The following NOL4 variants were observed in gnomAD, a reference collection of about 807,000 sequenced individuals.
NOL4 encodes the protein cancer/testis antigen 125.
A neutral mutation model predicts 75.9 loss-of-function variants in NOL4; 17 were observed. That is an observed-to-expected ratio of 0.22 (90% confidence interval 0.15 to 0.34). The LOEUF (loss-of-function observed/expected upper bound fraction) is 0.34. NOL4 is among the 10% of genes least tolerant of loss of function. The pLI, the probability that NOL4 is intolerant of heterozygous loss-of-function variation, is 1.00. For missense variants in NOL4, 614 were observed against 793.5 expected (o/e 0.77, Z 2.72); for synonymous variants, 292 against 289.9 (o/e 1.01, Z -0.07).
At chr18:33,958,663 AGAAAGTTTTATT>A (rs2069853956) in intron 6 of NOL4, among the ~76,000 whole-genome samples, 1 of 152,182 alleles carries the variant, frequency 6.6e-6, no homozygotes, top group Non-Finnish European at 1.5e-5. Context: ...CCTTCACTGC[AGAAAGTTTTATT>A]GAACTTAGCT....
At chr18:34,215,046 T>C (rs1048234468) in intron 1 of NOL4, among the ~76,000 whole-genome samples, 1 of 152,174 alleles carries the variant, frequency 6.6e-6, no homozygotes, top group African/African-American at 2.4e-5. Context: ...ATAATATAGT[T>C]TCTGTTATGC....
chr18:34,029,068 T>C (rs1264598128), intron 5 of NOL4, among the ~76,000 whole-genome samples: 1 of 152,228 alleles, frequency 6.6e-6, no homozygotes, highest in East Asian at 1.9e-4. Context: ...GGGAGACACG[T>C]AGAAACAGAA....
At chr18:34,097,809 C>A (rs1464813653) in intron 4 of NOL4, among the ~76,000 whole-genome samples, 1 of 152,072 alleles carries the variant, frequency 6.6e-6, no homozygotes, top group East Asian at 1.9e-4. Flanking sequence ...TTTCATATAT[C>A]ACATTCCTTA....
At chr18:34,217,724 A>G (rs1252678939) in intron 1 of NOL4, among the ~76,000 whole-genome samples, 1 of 152,046 alleles carries the variant, frequency 6.6e-6, no homozygotes, top group Admixed American at 6.6e-5. Flanking sequence ...TCCCCGGCAT[A>G]TGCTACATAT....
At chr18:34,131,126 T>C (rs2080633936) in intron 1 of NOL4, among the ~76,000 whole-genome samples, 2 of 151,126 alleles carry the variant, frequency 1.3e-5, no homozygotes, top group Non-Finnish European at 3.0e-5. Flanking sequence ...CCCTGTGATA[T>C]AATTTGAAGT....
At chr18:33,941,553 C>T (rs1241763336) in intron 9 of NOL4, among the ~76,000 whole-genome samples, 1 of 151,864 alleles carries the variant, frequency 6.6e-6, no homozygotes, top group African/African-American at 2.4e-5. Flanking sequence ...GACAAAACAG[C>T]TAGCATCAGT....
chr18:34,085,115 A>G (rs1259731603), intron 5 of NOL4, among the ~76,000 whole-genome samples: 2 of 152,236 alleles, frequency 1.3e-5, no homozygotes, highest in Non-Finnish European at 2.9e-5. Flanking sequence ...ATATAGCTGG[A>G]TATATAAATC....
At chr18:34,000,382 T>C (rs1162848743) in intron 6 of NOL4, among the ~76,000 whole-genome samples, 13 of 152,160 alleles carry the variant, frequency 8.5e-5, no homozygotes, top group Non-Finnish European at 1.9e-4. Context: ...CAACACTCTG[T>C]TGGGTATTTA....
At chr18:33,950,071 A>C (rs2069108087) in intron 8 of NOL4, among the ~76,000 whole-genome samples, 1 of 151,870 alleles carries the variant, frequency 6.6e-6, no homozygotes, top group Non-Finnish European at 1.5e-5. Context: ...ATTATGATGT[A>C]GATTTCCTAA....
At chr18:34,132,283 A>C (rs1193350477) in intron 1 of NOL4, among the ~76,000 whole-genome samples, 1 of 152,202 alleles carries the variant, frequency 6.6e-6, no homozygotes, top group Non-Finnish European at 1.5e-5. Context: ...AAACAAGATA[A>C]TGTTTACAAG....
intron 1 of NOL4, among the ~76,000 whole-genome samples, chr18:34,135,884 T>TA (rs1438948021): frequency 2.0e-5 from 3 of 151,592 alleles, no homozygotes; most frequent in Non-Finnish European, 2.9e-5. Flanking sequence ...TATCACAGGA[T>TA]AAAAAAGATA....
At chr18:33,957,004 G>A (rs2069698283) in intron 8 of NOL4, among the ~76,000 whole-genome samples, 2 of 151,982 alleles carry the variant, frequency 1.3e-5, no homozygotes, top group Admixed American at 6.6e-5. Flanking sequence ...CTTTAGTAGC[G>A]ACAGAAAGAA....
chr18:33,989,751 T>G (rs2072775221), intron 6 of NOL4, among the ~76,000 whole-genome samples: 1 of 152,128 alleles, frequency 6.6e-6, no homozygotes, highest in Admixed American at 6.6e-5. Flanking sequence ...ATTAAAGCAC[T>G]GTGTAAATGT....
chr18:33,923,327 T>C (rs1386989027), intron 9 of NOL4, among the ~76,000 whole-genome samples: 3 of 151,972 alleles, frequency 2.0e-5, no homozygotes, highest in African/African-American at 4.8e-5. Context: ...TTTATCCTTT[T>C]TGTGTTTTAA....
intron 9 of NOL4, among the ~76,000 whole-genome samples, chr18:33,900,130 G>A (rs2065660331): frequency 1.3e-5 from 2 of 152,120 alleles, no homozygotes; most frequent in Admixed American, 1.3e-4. Flanking sequence ...GTTTTGCATG[G>A]TGCTGGCTTC....
chr18:34,212,539 C>G (rs1226052364), intron 1 of NOL4, among the ~76,000 whole-genome samples: 1 of 152,168 alleles, frequency 6.6e-6, no homozygotes, highest in Admixed American at 6.5e-5. Context: ...TACAACTTCT[C>G]AAACATTATC....
At chr18:34,130,052 T>C (rs767430983) in intron 1 of NOL4, 32 bp from the exon 2 acceptor site, 22 of 1,483,460 alleles carry the variant, frequency 1.5e-5, no homozygotes, top group Non-Finnish European at 2.0e-5. Flanking sequence ...CAAAAACCCA[T>C]AAGATTAATA....
At chr18:34,161,482 T>G (rs902631444) in intron 1 of NOL4, among the ~76,000 whole-genome samples, 6 of 152,200 alleles carry the variant, frequency 3.9e-5, no homozygotes, top group African/African-American at 1.4e-4. Context: ...TGTTTATTCC[T>G]TCTTCTCCAC....
rs111642053 is a variant in NOL4, at chr18:34,005,072, A to G, written c.1056+14246T>C. 4.5e-3 allele frequency among the ~76,000 whole-genome samples: 682 copies of G among 152,232 alleles called. 5 individuals carry two copies. Among genetic ancestry groups the G allele is most frequent in the African/African-American group, 0.016 (661 of 41,572 alleles). On this transcript the variant is annotated intron_variant, in intron 6 of 10. Coordinates refer to ENST00000261592, the MANE Select transcript of NOL4 (RefSeq NM_003787.5). ...AAATACCAACTTTATCTTATATTTT[A>G]TTGTTTTAATCATACAGATATTATA...
Sources: allele counts gnomAD v4.1 joint callset (sites outside exome capture counted in the v4.1 genomes callset), GRCh38; gene constraint gnomAD v4.1.1; transcripts MANE v1.5; gene names NCBI Gene and HGNC (gene_info 2026-07-23, HGNC 2026-07-21).